The following OTULIN variants were observed in gnomAD, a reference collection of about 807,000 sequenced individuals.
The protein encoded by OTULIN is ubiquitin thioesterase otulin.
In OTULIN, 15 loss-of-function variants were observed where a neutral mutation model predicts 39.6. That is an observed-to-expected ratio of 0.38 (90% CI 0.25 to 0.58). OTULIN has a LOEUF of 0.58. OTULIN is among the 20% of genes least tolerant of loss of function. The probability of loss-of-function intolerance (pLI) is 0.66; values close to 1 mark genes in which losing one functional copy is unlikely to be tolerated. For missense variants in OTULIN, 319 were observed against 445.9 expected (o/e 0.72, Z 2.56); for synonymous variants, 156 against 170.3 (o/e 0.92, Z 0.65).
the OTULIN span, chr5:14,706,090 GGAGA>G: frequency 6.6e-6 from 1 of 152,116 alleles, no homozygotes; most frequent in Non-Finnish European, 1.5e-5. Context: ...TTAAACTCTT[GGAGA>G]GAGAAAGGGT....
chr5:14,709,951 T>G, the OTULIN span: 3 of 152,284 alleles, frequency 2.0e-5, no homozygotes, highest in African/African-American at 7.2e-5. Context: ...GTCTAGGAAT[T>G]CTGACTAAAT....
chr5:14,671,967 G>A (rs1197587432), intron 1 of OTULIN, among the ~76,000 whole-genome samples: 3 of 152,246 alleles, frequency 2.0e-5, no homozygotes, highest in Non-Finnish European at 2.9e-5. Flanking sequence ...GAGAGGTGTA[G>A]TTACTCTAGT....
At chr5:14,678,833 T>A in intron 3 of OTULIN, 58 bp downstream of exon 3, 2 of 1,135,844 alleles carry the variant, frequency 1.8e-6, no homozygotes, top group Non-Finnish European at 2.5e-6. Context: ...ATAAGTTGTT[T>A]AATATGTCAT....
chr5:14,675,522 T>C (rs1329594802), intron 2 of OTULIN, among the ~76,000 whole-genome samples: 1 of 152,208 alleles, frequency 6.6e-6, no homozygotes, highest in Non-Finnish European at 1.5e-5. Flanking sequence ...CAAAATTTCA[T>C]GTAGGGTGCA....
chr5:14,711,099 CAAA>C, the OTULIN span: 3 of 1,135,526 alleles, frequency 2.6e-6, no homozygotes, highest in East Asian at 4.7e-5. Flanking sequence ...CAAAACAAAA[CAAA>C]AAAAAGGGAA....
rs1396291485 is a variant in OTULIN at position 14,664,834 on chromosome 5, G to A, written c.9G>A (p.Arg3=). MS[R]GTMPQPEAWP... is the part of the protein sequence containing the mutation. ...CGGCCGCGAGCGACCGCATGAGTCG[G>A]GGGACTATGCCCCAGCCCGAAGCGT... The change falls in exon 1 of 7, where the codon CGG becomes CGA. Residue 3 remains arginine, a synonymous_variant. Coordinates refer to ENST00000284274, the MANE Select transcript of OTULIN (RefSeq NM_138348.6). 8.2e-7 allele frequency: 1 copy of A among 1,219,314 alleles called. No individual in the cohort carries two copies. The highest frequency in any genetic ancestry group is 1.0e-6 in the Non-Finnish European group (1 of 978,320). 75.5% of individuals were successfully genotyped at this position (1,219,314 alleles called of 1,614,324 possible). A position where few individuals can be genotyped will look rare whatever the true frequency, so the allele number is the denominator to read the frequency against.
rs1178457067 is a variant in OTULIN at position 14,697,846 on chromosome 5, A to G, written c.*4798A>G. The G allele has an allele frequency of 6.6e-6, 1 of 152,230 alleles. No individual in the cohort carries two copies. Among genetic ancestry groups the G allele is most frequent in the Admixed American group, 6.5e-5 (1 of 15,288 alleles). The allele number at this position is 152,230 out of a possible 1,614,324, so 9.4% of individuals were successfully genotyped here. Reference sequence around the variant, plus strand: ...GGCTTAAAATGTCCACAGTCTTGGCAGTGGACTTGGCAGTTCTCCCAGTAA... The same window carrying G: ...GGCTTAAAATGTCCACAGTCTTGGCGGTGGACTTGGCAGTTCTCCCAGTAA... On this transcript the variant is annotated 3_prime_UTR_variant, in exon 7 of 7. Coordinates refer to ENST00000284274, the MANE Select transcript of OTULIN (RefSeq NM_138348.6).
In OTULIN at chr5:14,687,481, T is replaced by A. The variant is rs554326584; in HGVS notation, c.469-40T>A. On this transcript the variant is annotated intron_variant, in intron 4 of 6. Transcript: ENST00000284274. ...GGATTGTGTGGTGGATTTCTTGGAA[T>A]GTTAACACTTCTTTATCTCTTTGTT... The A allele has an allele frequency of 7.5e-6, 12 of 1,594,268 alleles. No individual in the cohort carries two copies. The African/African-American group carries it at 1.5e-4, about 20-fold the overall frequency.
At chr5:14,702,861 G>A (rs1194929112), downstream of OTULIN, among the ~76,000 whole-genome samples, 1 of 152,210 alleles carries the variant, frequency 6.6e-6, no homozygotes, top group East Asian at 1.9e-4. Flanking sequence ...GAGATAAGCA[G>A]CTTTTTTGTT....
At chr5:14,701,875 G>A (rs969176448), downstream of OTULIN, among the ~76,000 whole-genome samples, 15 of 152,154 alleles carry the variant, frequency 9.9e-5, no homozygotes, top group South Asian at 6.2e-4. Flanking sequence ...AGGACCTGCC[G>A]GGCAAAGCAG....
chr5:14,709,927 T>A, the OTULIN span: 1 of 152,306 alleles, frequency 6.6e-6, no homozygotes, highest in Non-Finnish European at 1.5e-5. Flanking sequence ...TATTTTTTTT[T>A]TTAGGTTCTT....
chr5:14,715,721 G>A, the OTULIN span, among the ~76,000 whole-genome samples: 1 of 152,080 alleles, frequency 6.6e-6, no homozygotes, highest in Non-Finnish European at 1.5e-5. Context: ...AGACATACAC[G>A]TGCTACATAT....
chr5:14,704,329 C>CAA (rs1194771023), downstream of OTULIN, among the ~76,000 whole-genome samples: 10,734 of 65,174 alleles, frequency 0.16, 2,768 homozygotes, highest in African/African-American at 0.31. Context: ...GACTCCGTCT[C>CAA]AAAAAAAAAA....
At chr5:14,711,246 G>A in the OTULIN span, 20 of 1,613,880 alleles carry the variant, frequency 1.2e-5, no homozygotes, top group East Asian at 6.7e-5. Context: ...CTCCTCTGTC[G>A]GAGGCATGTC....
chr5:14,711,088 CCAAAACAAAACAAAAAAAA>C, the OTULIN span: 1 of 1,026,988 alleles, frequency 9.7e-7, no homozygotes, highest in South Asian at 1.3e-5. Flanking sequence ...TCTTTCATTA[CCAAAACAAAACAAAAAAAA>C]GGGAACAAAA....
chr5:14,684,304 T>C (rs896784678), intron 4 of OTULIN, among the ~76,000 whole-genome samples: 12 of 152,250 alleles, frequency 7.9e-5, no homozygotes, highest in Non-Finnish European at 7.3e-5. Context: ...CCAGAGGACT[T>C]GTCCTTGTGT....
At chr5:14,680,638 T>C (rs1736222870) in intron 3 of OTULIN, among the ~76,000 whole-genome samples, 1 of 152,194 alleles carries the variant, frequency 6.6e-6, no homozygotes, top group Non-Finnish European at 1.5e-5. Context: ...ACTAGGATTT[T>C]TTGGTGTCTT....
the OTULIN span, chr5:14,711,223 C>T: frequency 5.0e-4 from 806 of 1,614,152 alleles, 8 homozygotes; most frequent in African/African-American, 9.0e-3. Context: ...CTCATTTCCA[C>T]GATGTCTGTC....
chr5:14,716,178 T>C, the OTULIN span, among the ~76,000 whole-genome samples: 2 of 152,230 alleles, frequency 1.3e-5, no homozygotes, highest in African/African-American at 4.8e-5. Context: ...TACTTCCTTT[T>C]TACTGTTTTT....
Sources: allele counts gnomAD v4.1 joint callset (sites outside exome capture counted in the v4.1 genomes callset), GRCh38; gene constraint gnomAD v4.1.1; transcripts MANE v1.5; gene names NCBI Gene and HGNC (gene_info 2026-07-23, HGNC 2026-07-21).